ASTN1: variants seen among roughly 807,000 people sequenced by gnomAD.
ASTN1 encodes astrotactin-1.
In ASTN1, 41 loss-of-function variants were observed where a neutral mutation model predicts 140.7. The observed-to-expected ratio is 0.29, with a 90% CI of 0.23 to 0.38. The LOEUF (loss-of-function observed/expected upper bound fraction) is 0.38. Ranked by LOEUF, ASTN1 falls within the 10% of genes least tolerant of loss-of-function variation. The pLI, the probability that ASTN1 is intolerant of heterozygous loss-of-function variation, is 1.00. For synonymous variants in ASTN1, 640 were observed against 652.2 expected, an observed-to-expected ratio of 0.98 and a Z score of 0.29; for missense variants, 1,479 against 1,678.8, an observed-to-expected ratio of 0.88 and a Z score of 2.08.
intron 1 of ASTN1, among the ~76,000 whole-genome samples, chr1:177,095,306 C>G (rs1181217791): frequency 6.6e-6 from 1 of 152,176 alleles, no homozygotes; most frequent in East Asian, 1.9e-4. Flanking sequence ...AGCTAAGCAA[C>G]CTTTTCATAA....
intron 22 of ASTN1, among the ~76,000 whole-genome samples, chr1:176,868,583 G>A (rs1341820095): frequency 6.6e-6 from 1 of 152,150 alleles, no homozygotes; most frequent in Non-Finnish European, 1.5e-5. Context: ...ATGTCAACAT[G>A]ATAAAAAAGG....
Position 176,986,992 on chromosome 1 carries a change from C to G in ASTN1, c.1524-21755G>C, listed in dbSNP as rs556603785. On this transcript the variant is annotated intron_variant, in intron 8 of 22. Transcript: ENST00000361833. ...CAATGGGGGCAAGCGTGGATTTTGACCCCCCTCTTAACTAGGCAATATCTG... is the reference window on the plus strand; with the variant it reads ...CAATGGGGGCAAGCGTGGATTTTGAGCCCCCTCTTAACTAGGCAATATCTG... Among the ~76,000 whole-genome samples, 5 of 152,200 alleles carry G rather than the reference C, an allele frequency of 3.3e-5. No individual in the cohort carries two copies. In the East Asian group the frequency reaches 7.8e-4, roughly 24 times the overall value.
chr1:177,065,428 A>T (rs142936809), intron 1 of ASTN1, among the ~76,000 whole-genome samples: 1 of 152,208 alleles, frequency 6.6e-6, no homozygotes, highest in African/African-American at 2.4e-5. Context: ...ATTGTGTTAC[A>T]TGGTCCCTAT....
intron 5 of ASTN1, chr1:177,029,431 G>C (rs1333804746): frequency 4.0e-6 from 3 of 754,154 alleles, no homozygotes; most frequent in Non-Finnish European, 7.5e-6. Context: ...CCATTATCTG[G>C]GAGAGATGAT....
At chr1:176,983,808 T>G (rs1429420291) in intron 8 of ASTN1, among the ~76,000 whole-genome samples, 1 of 152,224 alleles carries the variant, frequency 6.6e-6, no homozygotes, top group Non-Finnish European at 1.5e-5. Context: ...AAGCCTAGAA[T>G]GTATTCGCGC....
intron 16 of ASTN1, among the ~76,000 whole-genome samples, chr1:176,917,951 A>G (rs901438024): frequency 2.6e-5 from 4 of 152,146 alleles, no homozygotes; most frequent in Non-Finnish European, 4.4e-5. Flanking sequence ...AAACTCCTGC[A>G]TATCTATTTC....
intron 1 of ASTN1, among the ~76,000 whole-genome samples, chr1:177,089,024 A>T (rs1679611367): frequency 6.6e-6 from 1 of 152,112 alleles, no homozygotes; most frequent in Admixed American, 6.6e-5. Context: ...TCTTCCCAGC[A>T]CACTCCTCCC....
At chr1:176,961,014 G>A (rs1672635698) in intron 9 of ASTN1, among the ~76,000 whole-genome samples, 1 of 152,130 alleles carries the variant, frequency 6.6e-6, no homozygotes. Context: ...CCACTCAGAA[G>A]AATGTGCTCT....
intron 1 of ASTN1, among the ~76,000 whole-genome samples, chr1:177,121,724 C>A (rs938387314): frequency 6.6e-6 from 1 of 152,048 alleles, no homozygotes; most frequent in Admixed American, 6.6e-5. Context: ...GATTTGCTGA[C>A]CTGAGGGCCC....
chr1:176,911,923 A>T (rs936082340), intron 16 of ASTN1, among the ~76,000 whole-genome samples: 1 of 152,224 alleles, frequency 6.6e-6, no homozygotes, highest in African/African-American at 2.4e-5. Flanking sequence ...CAGACATGAG[A>T]GTGACGCATG....
intron 1 of ASTN1, among the ~76,000 whole-genome samples, chr1:177,109,767 A>C (rs147034964): frequency 6.5e-4 from 99 of 152,310 alleles, no homozygotes; most frequent in African/African-American, 2.1e-3. Flanking sequence ...CCTCAAGATA[A>C]AGAAGACAGA....
intron 7 of ASTN1, among the ~76,000 whole-genome samples, chr1:177,017,375 TTCC>T (rs1284401736): frequency 6.6e-6 from 1 of 152,194 alleles, no homozygotes; most frequent in African/African-American, 2.4e-5. Flanking sequence ...CCACCAAGCA[TTCC>T]TCGTCTGTAT....
At chr1:177,163,798 T>C (rs1305591620) in intron 1 of ASTN1, among the ~76,000 whole-genome samples, 1 of 152,130 alleles carries the variant, frequency 6.6e-6, no homozygotes, top group African/African-American at 2.4e-5. Flanking sequence ...GAGGTAGGAC[T>C]TCCCAGAATG....
chr1:176,967,745 C>A (rs962245674), intron 8 of ASTN1, among the ~76,000 whole-genome samples: 4 of 152,194 alleles, frequency 2.6e-5, no homozygotes, highest in Non-Finnish European at 5.9e-5. Context: ...ATTTATTAAG[C>A]ACACATCCAC....
intron 8 of ASTN1, among the ~76,000 whole-genome samples, chr1:176,970,168 A>C (rs1037199453): frequency 5.9e-5 from 9 of 152,186 alleles, no homozygotes; most frequent in Non-Finnish European, 7.3e-5. Context: ...CCCCTTTAGG[A>C]CATATCCACT....
At chr1:176,876,693 C>A (rs893968585) in intron 20 of ASTN1, 56 bp from the exon 21 acceptor site, 6 of 1,549,928 alleles carry the variant, frequency 3.9e-6, no homozygotes, top group Admixed American at 3.5e-5. Flanking sequence ...GAGGCTAGAT[C>A]TCTGTGGCCC....
At chr1:176,924,450 T>C (rs1670870028) in intron 16 of ASTN1, among the ~76,000 whole-genome samples, 1 of 152,222 alleles carries the variant, frequency 6.6e-6, no homozygotes, top group East Asian at 1.9e-4. Context: ...TCAGTCAACC[T>C]CTGGTACATC....
rs1019704931 is a variant in ASTN1, at chr1:176,861,493, G to A, written c.*2791C>T. ...CCAGTACCATCACCCTTTCTAGCCA[G>A]GATGGGTTCCTTCAGGTAAGCATTA... On this transcript the variant is annotated 3_prime_UTR_variant, in exon 23 of 23. Coordinates refer to ENST00000361833, the MANE Select transcript of ASTN1 (RefSeq NM_004319.3). The A allele has an allele frequency of 5.1e-6, 5 of 985,836 alleles. No individual in the cohort carries two copies. The East Asian group carries it at 5.7e-4, about 112-fold the overall frequency. The allele number at this position is 985,836 out of a possible 1,614,324, so 61.1% of individuals were successfully genotyped here. A position where few individuals can be genotyped will look rare whatever the true frequency, so the allele number is the denominator to read the frequency against.
intron 17 of ASTN1, among the ~76,000 whole-genome samples, chr1:176,892,366 G>T (rs1369466821): frequency 4.6e-5 from 7 of 152,136 alleles, no homozygotes. Context: ...GTTGTGATGG[G>T]GGTATCATAA....
Sources: gnomAD v4.1 joint callset for allele counts (sites outside exome capture counted in the v4.1 genomes callset) on GRCh38, gnomAD v4.1.1 for gene constraint, MANE v1.5 for transcripts, NCBI Gene and HGNC (gene_info 2026-07-23, HGNC 2026-07-21) for gene names.